CERS3: variants seen among roughly 807,000 people sequenced by gnomAD.
CERS3 encodes ceramide synthase 3.
CERS3 carries 33 observed loss-of-function variants against 50.3 expected under a neutral mutation model. The observed-to-expected ratio is 0.66, with a 90% CI of 0.50 to 0.88. The LOEUF (loss-of-function observed/expected upper bound fraction) is 0.88, where lower values mean the gene tolerates loss of function less well. Ranked by LOEUF, CERS3 falls within the 40% of genes least tolerant of loss-of-function variation. CERS3 has a pLI of 0.00. For synonymous variants in CERS3, 176 were observed against 155.2 expected (o/e 1.13, Z -0.99); for missense variants, 470 against 460.3 (o/e 1.02, Z -0.19).
At chr15:100,520,826 C>CATG (rs1371163247) in intron 2 of CERS3, among the ~76,000 whole-genome samples, 3 of 152,084 alleles carry the variant, frequency 2.0e-5, no homozygotes, top group Admixed American at 2.0e-4. Flanking sequence ...ACAGCTGGTG[C>CATG]CGGGAGAGCA....
chr15:100,405,379 T>C lies in CERS3; in HGVS notation c.1000-2514A>G, dbSNP rs1261013596. 2.0e-5 allele frequency among the ~76,000 whole-genome samples: 3 copies of C among 151,848 alleles called. No individual in the cohort carries two copies. In the East Asian group the frequency reaches 5.8e-4, roughly 29 times the overall value. On this transcript the variant is annotated intron_variant, in intron 11 of 11. Coordinates refer to ENST00000679737, the MANE Select transcript of CERS3 (RefSeq NM_001378789.1). ...CCATTAGTCATTAGGAAAATGCAAA[T>C]GGAAACCATGATGATGTACAACTAC...
chr15:100,513,368 C>A (rs1418293773), intron 2 of CERS3, among the ~76,000 whole-genome samples: 2 of 152,144 alleles, frequency 1.3e-5, no homozygotes, highest in African/African-American at 2.4e-5. Flanking sequence ...TCTTCCCTCT[C>A]CCTGCACTCT....
intron 1 of CERS3, among the ~76,000 whole-genome samples, chr15:100,534,998 T>C (rs1227360887): frequency 1.3e-5 from 2 of 152,110 alleles, no homozygotes; most frequent in African/African-American, 4.8e-5. Context: ...ACTGAACCAA[T>C]GTACATCTTA....
chr15:100,502,116 A>G (rs912495619), intron 2 of CERS3, among the ~76,000 whole-genome samples: 3 of 151,928 alleles, frequency 2.0e-5, no homozygotes, highest in Non-Finnish European at 4.4e-5. Flanking sequence ...GTGGTGGTGC[A>G]CACCTGTAGT....
At chr15:100,467,218 C>T (rs1313757157) in intron 10 of CERS3, among the ~76,000 whole-genome samples, 6 of 151,962 alleles carry the variant, frequency 3.9e-5, no homozygotes, top group African/African-American at 7.3e-5. Flanking sequence ...ACTGCCCAGC[C>T]GCCATATAAC....
At chr15:100,443,681 T>A (rs11634870) in intron 11 of CERS3, among the ~76,000 whole-genome samples, 44,017 of 119,218 alleles carry the variant, frequency 0.37, 8,380 homozygotes, top group Non-Finnish European at 0.47. Flanking sequence ...CCCCCATTAC[T>A]TTAGTCAAGC....
chr15:100,473,125 A>G (rs1265295752), intron 8 of CERS3, 73 bp from the exon 9 acceptor site: 3 of 1,451,872 alleles, frequency 2.1e-6, no homozygotes, highest in Non-Finnish European at 2.8e-6. Flanking sequence ...AGATAATCAT[A>G]ATAATAATGA....
At chr15:100,470,927 C>G (rs2034949183) in intron 9 of CERS3, among the ~76,000 whole-genome samples, 1 of 152,138 alleles carries the variant, frequency 6.6e-6, no homozygotes, top group Admixed American at 6.5e-5. Flanking sequence ...CTCAAAGAAG[C>G]CAGGTGCAAA....
intron 2 of CERS3, among the ~76,000 whole-genome samples, chr15:100,511,332 T>A (rs1362290830): frequency 6.6e-6 from 1 of 152,118 alleles, no homozygotes; most frequent in Non-Finnish European, 1.5e-5. Context: ...AAAGCCACAC[T>A]ACAGACTGGG....
chr15:100,514,614 G>A lies in CERS3; in HGVS notation c.-2+7053C>T, dbSNP rs1385119905. ...AAGCACATTTGAAATATTAACTCCA[G>A]ATAATAATATCCAGCTAATGTTAGA... is the stretch of plus-strand genomic sequence containing the variant. On this transcript the variant is annotated intron_variant, in intron 2 of 11. Transcript: ENST00000679737. Among the ~76,000 whole-genome samples, 5 of 152,064 alleles carry A rather than the reference G, an allele frequency of 3.3e-5. No individual in the cohort carries two copies. In the East Asian group the frequency reaches 7.7e-4, roughly 23 times the overall value.
At position 100,543,524 on chromosome 15, in the gene CERS3, CCTTT is replaced by C. The variant is rs1384749059; in HGVS notation, c.-355+1123_-355+1126del. On this transcript the variant is annotated intron_variant, in intron 1 of 12. Transcript: ENST00000284382. ...CTTCCCTCCCTTCCTCTCCCTCCTT[CCTTT>C]CTTTCTTTTTTTTTTTTTTATTAGA... 1.0e-3 allele frequency among the ~76,000 whole-genome samples: 142 copies of C among 137,056 alleles called. 1 individual carries two copies. Among genetic ancestry groups the C allele is most frequent in the Admixed American group, 2.7e-3 (34 of 12,610 alleles). The allele number at this position is 137,056 out of a possible 152,430, so 89.9% of individuals were successfully genotyped here.
At chr15:100,525,642 T>C (rs2036765070) in intron 1 of CERS3, among the ~76,000 whole-genome samples, 1 of 152,202 alleles carries the variant, frequency 6.6e-6, no homozygotes, top group South Asian at 2.1e-4. Context: ...AGGTCAAAGA[T>C]TCTTAATCTC....
At chr15:100,494,842 G>A (rs950000218) in intron 3 of CERS3, among the ~76,000 whole-genome samples, 2 of 152,212 alleles carry the variant, frequency 1.3e-5, no homozygotes, top group South Asian at 2.1e-4. Flanking sequence ...AGATAGCCAT[G>A]AACATGCATT....
chr15:100,494,736 C>T (rs1475782165), intron 3 of CERS3, among the ~76,000 whole-genome samples: 1 of 152,186 alleles, frequency 6.6e-6, no homozygotes, highest in Non-Finnish European at 1.5e-5. Context: ...AGGCAGTAAG[C>T]AACTCTGCCT....
intron 10 of CERS3, among the ~76,000 whole-genome samples, chr15:100,466,322 G>A (rs2034714330): frequency 6.6e-6 from 1 of 152,166 alleles, no homozygotes; most frequent in Non-Finnish European, 1.5e-5. Flanking sequence ...TAAATCAAAA[G>A]CCAACCATGG....
At chr15:100,446,504 T>C (rs1026845115) in intron 11 of CERS3, among the ~76,000 whole-genome samples, 4 of 152,164 alleles carry the variant, frequency 2.6e-5, no homozygotes, top group South Asian at 2.1e-4. Flanking sequence ...AACTCTTCAG[T>C]GATCTTTGAG....
chr15:100,498,204 A>G (rs2035890889), intron 3 of CERS3, among the ~76,000 whole-genome samples: 1 of 152,168 alleles, frequency 6.6e-6, no homozygotes, highest in South Asian at 2.1e-4. Flanking sequence ...AAAAAATAAC[A>G]TTGTTAACAG....
At chr15:100,450,815 T>A (rs2034134337) in intron 11 of CERS3, among the ~76,000 whole-genome samples, 1 of 152,016 alleles carries the variant, frequency 6.6e-6, no homozygotes, top group Admixed American at 6.6e-5. Context: ...CAGAAATGTG[T>A]CTAGTCACCT....
intron 11 of CERS3, among the ~76,000 whole-genome samples, chr15:100,430,728 G>C (rs575902262): frequency 1.6e-4 from 22 of 138,476 alleles, no homozygotes; most frequent in Non-Finnish European, 2.7e-4. Flanking sequence ...AATACATTCA[G>C]TCAGTTCAAT....
Sources: allele counts gnomAD v4.1 joint callset (sites outside exome capture counted in the v4.1 genomes callset), GRCh38; gene constraint gnomAD v4.1.1; transcripts MANE v1.5; gene names NCBI Gene and HGNC (gene_info 2026-07-23, HGNC 2026-07-21).